SMCHD1: variants seen among roughly 807,000 people sequenced by gnomAD.
SMCHD1 encodes the protein structural maintenance of chromosomes flexible hinge domain-containing protein 1.
SMCHD1 carries 78 observed loss-of-function variants against 254.7 expected under a neutral mutation model. That is an observed-to-expected ratio of 0.31 (90% CI 0.26 to 0.37). SMCHD1 has a LOEUF of 0.37. Ranked by LOEUF, SMCHD1 falls within the 10% of genes least tolerant of loss-of-function variation. SMCHD1 has a pLI of 1.00. For synonymous variants in SMCHD1, 766 were observed against 794.9 expected, an observed-to-expected ratio of 0.96 and a Z score of 0.61; for missense variants, 1,840 against 2,408.1, an observed-to-expected ratio of 0.76 and a Z score of 4.94.
At chr18:2,671,962 G>C (rs536108722) in intron 3 of SMCHD1, among the ~76,000 whole-genome samples, 2 of 152,092 alleles carry the variant, frequency 1.3e-5, no homozygotes, top group Non-Finnish European at 2.9e-5. Flanking sequence ...CCTGTGTGAT[G>C]AAGCAAATTT....
At chr18:2,777,056 A>ACCCCCCCCCCCC (rs140799401) in intron 42 of SMCHD1, among the ~76,000 whole-genome samples, 8 of 90,628 alleles carry the variant, frequency 8.8e-5, no homozygotes, top group Admixed American at 2.3e-4. Context: ...GGCATGCACC[A>ACCCCCCCCCCCC]CCACCTCCCC....
intron 5 of SMCHD1, among the ~76,000 whole-genome samples, chr18:2,679,694 G>A (rs1365913819): frequency 2.6e-5 from 4 of 151,976 alleles, no homozygotes; most frequent in Non-Finnish European, 5.9e-5. Flanking sequence ...ATGCTGATGT[G>A]TCTAGGTGTG....
chr18:2,685,307 G>A (rs1271604827), intron 5 of SMCHD1, among the ~76,000 whole-genome samples: 2 of 151,964 alleles, frequency 1.3e-5, no homozygotes, highest in East Asian at 3.9e-4. Flanking sequence ...CTCCGTGTTA[G>A]CCAGGATGGT....
intron 5 of SMCHD1, among the ~76,000 whole-genome samples, chr18:2,676,111 A>G (rs915626413): frequency 3.3e-5 from 5 of 152,072 alleles, no homozygotes; most frequent in Non-Finnish European, 7.4e-5. Context: ...TTTTTTCTGG[A>G]TACAAGGATG....
At chr18:2,769,576 T>G (rs1293074206) in intron 37 of SMCHD1, 118 bp from the exon 38 acceptor site, 13 of 1,061,456 alleles carry the variant, frequency 1.2e-5, no homozygotes, top group Non-Finnish European at 1.7e-5. Flanking sequence ...AGCCTATGCC[T>G]TTGGCCTTTA....
At chr18:2,708,100 T>C (rs2074562143) in intron 17 of SMCHD1, among the ~76,000 whole-genome samples, 180 bp downstream of exon 17, 1 of 152,084 alleles carries the variant, frequency 6.6e-6, no homozygotes. Context: ...TTTTCTAAGG[T>C]TTTTAAAAAA....
At chr18:2,673,024 ACTC>A (rs1483534120) in intron 3 of SMCHD1, 2 of 975,882 alleles carry the variant, frequency 2.0e-6, no homozygotes, top group Non-Finnish European at 2.4e-6. Context: ...TAGATTATAA[ACTC>A]CTTGAAGCCA....
intron 28 of SMCHD1, among the ~76,000 whole-genome samples, chr18:2,742,195 A>G (rs1598392905): frequency 6.6e-6 from 1 of 151,872 alleles, no homozygotes; most frequent in Admixed American, 6.6e-5. Flanking sequence ...CCCTACCATA[A>G]TCTCACCCCT....
At position 2,769,769 on chromosome 18, in the gene SMCHD1, C is replaced by A. The variant is rs780994607; in HGVS notation, c.4795C>A (p.Leu1599Ile). ...YFIVFEPRLP[L>I]LSRTLEPYIL... is the part of the protein sequence containing the mutation. ...TATTGTATTTGAGCCCCGGCTACCA[C>A]TTTTATCAAGAACCTTAGAACCATA... The change falls in exon 38 of 48, where the codon CTT (leucine) becomes ATT (isoleucine). Residue 1599 changes from leucine (L) to isoleucine (I), a missense_variant. Leu to Ile is a conservative substitution (Grantham distance 5). Coordinates refer to ENST00000320876, the MANE Select transcript of SMCHD1 (RefSeq NM_015295.3). The A allele has an allele frequency of 1.9e-6, 3 of 1,604,566 alleles. No individual in the cohort carries two copies. In the Admixed American group the frequency reaches 5.1e-5, roughly 27 times the overall value.
intron 30 of SMCHD1, among the ~76,000 whole-genome samples, chr18:2,749,689 G>A (rs1159636780): frequency 6.6e-6 from 1 of 152,130 alleles, no homozygotes; most frequent in African/African-American, 2.4e-5. Flanking sequence ...CTCCAGTGCA[G>A]TCCCCTATAC....
At chr18:2,786,722 A>G (rs2076246545) in intron 45 of SMCHD1, among the ~76,000 whole-genome samples, 1 of 152,186 alleles carries the variant, frequency 6.6e-6, no homozygotes, top group Admixed American at 6.6e-5. Context: ...CCAGTACTGT[A>G]GAAGATTTCT....
At chr18:2,768,084 T>A (rs2075902820) in intron 37 of SMCHD1, among the ~76,000 whole-genome samples, 1 of 152,140 alleles carries the variant, frequency 6.6e-6, no homozygotes, top group Non-Finnish European at 1.5e-5. Flanking sequence ...TGCATGACTG[T>A]ATGTTAGATA....
At chr18:2,686,766 A>G (rs982676609) in intron 5 of SMCHD1, among the ~76,000 whole-genome samples, 2 of 151,274 alleles carry the variant, frequency 1.3e-5, no homozygotes, top group South Asian at 2.1e-4. Context: ...GTGAGGGGAT[A>G]CTTTTTTGGG....
intron 27 of SMCHD1, among the ~76,000 whole-genome samples, chr18:2,740,100 C>T (rs1364527485): frequency 6.6e-6 from 1 of 151,584 alleles, no homozygotes. Context: ...GACTCCCCGA[C>T]AGGCCCTGGT....
chr18:2,679,063 G>C (rs1407474741), intron 5 of SMCHD1, among the ~76,000 whole-genome samples: 1 of 150,934 alleles, frequency 6.6e-6, no homozygotes, highest in African/African-American at 2.4e-5. Flanking sequence ...GGCCAGGCTG[G>C]TCTTGAACTC....
At chr18:2,791,293 G>GA (rs1467511132) in intron 45 of SMCHD1, among the ~76,000 whole-genome samples, 2 of 152,068 alleles carry the variant, frequency 1.3e-5, no homozygotes, top group Non-Finnish European at 1.5e-5. Context: ...ACAAACCAAA[G>GA]AAAAAAACCA....
In SMCHD1 at chr18:2,656,333, C is replaced by T. The variant is rs371676538; in HGVS notation, c.186+72C>T. The T allele has an allele frequency of 3.5e-5, 46 of 1,307,302 alleles. No homozygotes were observed. In the East Asian group the frequency reaches 1.1e-3, roughly 30 times the overall value. 81.0% of individuals were successfully genotyped at this position (1,307,302 alleles called of 1,614,324 possible). The stretch of plus-strand genomic sequence containing the variant: ...GGAGGGTGATGAGAAACTCAACTTG[C>T]TCACTGAGGGCAATAAACCTGTCAC... On this transcript the variant is annotated intron_variant, in intron 1 of 47. Coordinates refer to ENST00000320876, the MANE Select transcript of SMCHD1 (RefSeq NM_015295.3).
Position 2,707,760 on chromosome 18 carries a change from G to A in SMCHD1, c.2147-47G>A, listed in dbSNP as rs753189194. The A allele has an allele frequency of 1.0e-5, 16 of 1,532,588 alleles. No homozygotes were observed. In the African/African-American group the frequency reaches 1.8e-4, roughly 17 times the overall value. 94.9% of individuals were successfully genotyped at this position (1,532,588 alleles called of 1,614,324 possible). ...GCAATGGGAAGATTTGGCAGATTCAGCAAATTTTTGGGTGTAATTAAGATA... is the reference window on the plus strand; with the variant it reads ...GCAATGGGAAGATTTGGCAGATTCAACAAATTTTTGGGTGTAATTAAGATA... On this transcript the variant is annotated intron_variant, in intron 16 of 47. Coordinates refer to ENST00000320876, the MANE Select transcript of SMCHD1 (RefSeq NM_015295.3).
chr18:2,724,094 A>G (rs1450475078), intron 20 of SMCHD1, among the ~76,000 whole-genome samples: 1 of 149,748 alleles, frequency 6.7e-6, no homozygotes, highest in Non-Finnish European at 1.5e-5. Flanking sequence ...AAGTAGGTGT[A>G]TATGTTTAAT....
Sources: allele counts gnomAD v4.1 joint callset (sites outside exome capture counted in the v4.1 genomes callset), GRCh38; gene constraint gnomAD v4.1.1; transcripts MANE v1.5; gene names NCBI Gene and HGNC (gene_info 2026-07-23, HGNC 2026-07-21).